The following VWA5B1 variants were observed in gnomAD, a reference collection of about 807,000 sequenced individuals.
VWA5B1 encodes the protein von Willebrand factor A domain containing 5B1.
A neutral mutation model predicts 118.2 loss-of-function variants in VWA5B1; 115 were observed. That is an observed-to-expected ratio of 0.97 (90% CI 0.84 to 1.14). The LOEUF (loss-of-function observed/expected upper bound fraction) is 1.14. Ranked by LOEUF, VWA5B1 falls within the 50% of genes most tolerant of loss-of-function variation. The probability of loss-of-function intolerance (pLI) is 0.00; values close to 1 mark genes in which losing one functional copy is unlikely to be tolerated. For synonymous variants in VWA5B1, 682 were observed against 658.4 expected, an observed-to-expected ratio of 1.04 and a Z score of -0.55; for missense variants, 1,596 against 1,603.8, an observed-to-expected ratio of 1.00 and a Z score of 0.08.
At position 20,355,376 on chromosome 1, in the gene VWA5B1, T is replaced by C. The variant is rs1182214142; in HGVS notation, c.*1113T>C. Among the ~76,000 whole-genome samples the C allele has an allele frequency of 2.6e-5, 4 of 152,208 alleles. No homozygotes were observed. The highest frequency in any genetic ancestry group is 5.9e-5 in the Non-Finnish European group (4 of 68,026). ...CACTGTGTGATGCCTACATGGGGAA[T>C]GGCGTGCTGTGGCCGCAGATACCCT... On this transcript the variant is annotated 3_prime_UTR_variant, in exon 22 of 22. Transcript: ENST00000289815.
At chr1:20,327,104 C>T (rs2089409882) in intron 8 of VWA5B1, among the ~76,000 whole-genome samples, 2 of 151,944 alleles carry the variant, frequency 1.3e-5, no homozygotes, top group African/African-American at 4.8e-5. Context: ...TTCAGTCTAC[C>T]TTTATCAAGG....
At position 20,354,326 on chromosome 1, in the gene VWA5B1, T is replaced by C. The variant is rs2090191890; in HGVS notation, c.*63T>C. ...GAGGAGAGGGATGGGCAGGGCCATGTCGGCCTGGTTTCGGGGAGCTTTTGG... is the reference window on the plus strand; with the variant it reads ...GAGGAGAGGGATGGGCAGGGCCATGCCGGCCTGGTTTCGGGGAGCTTTTGG... On this transcript the variant is annotated 3_prime_UTR_variant, in exon 22 of 22. Transcript: ENST00000289815. 1 of 1,477,944 alleles carries C rather than the reference T, an allele frequency of 6.8e-7. No individual in the cohort carries two copies. Among genetic ancestry groups the C allele is most frequent in the Non-Finnish European group, 9.0e-7 (1 of 1,108,170 alleles). 91.6% of individuals were successfully genotyped at this position (1,477,944 alleles called of 1,614,324 possible). A position where few individuals can be genotyped will look rare whatever the true frequency, so the allele number is the denominator to read the frequency against.
chr1:20,319,392 G>T lies in VWA5B1; in HGVS notation c.852G>T (p.Met284Ile). ...ATCTCATCTCTGCAGAGCCCCATAT[G>T]CCCCATGTCCTGATAGAGAAAGGGG... ...EILIHPSEPH[M>I]PHVLIEKGDM... Residue 284 changes from methionine to isoleucine, a missense_variant, in exon 7 of 22, where the codon ATG becomes ATT. Transcript: ENST00000289815. The T allele has an allele frequency of 6.4e-7, 1 of 1,551,742 alleles. No individual in the cohort carries two copies. The highest frequency in any genetic ancestry group is 2.4e-5 in the East Asian group (1 of 40,920).
chr1:20,319,334 C>T, intron 6 of VWA5B1, 48 bp from the exon 7 acceptor site: 1 of 1,545,172 alleles, frequency 6.5e-7, no homozygotes, highest in Non-Finnish European at 8.8e-7. Context: ...CAGCATCCTT[C>T]TCCTACGATA....
At chr1:20,334,620 G>A (rs2089663145) in intron 12 of VWA5B1, among the ~76,000 whole-genome samples, 1 of 152,070 alleles carries the variant, frequency 6.6e-6, no homozygotes, top group African/African-American at 2.4e-5. Context: ...AGACCAGCCT[G>A]GCCAACATGG....
intron 7 of VWA5B1, 52 bp downstream of exon 7, chr1:20,319,558 G>A: frequency 6.5e-7 from 1 of 1,547,042 alleles, no homozygotes; most frequent in Middle Eastern, 1.9e-4. Flanking sequence ...GGGTGGCGCT[G>A]AGGCCTGGTC....
chr1:20,330,846 C>A (rs1212437462), intron 10 of VWA5B1, 23 bp from the exon 11 acceptor site: 1 of 1,544,368 alleles, frequency 6.5e-7, no homozygotes, highest in African/African-American at 1.4e-5. Context: ...GACATAGCAG[C>A]CTCTCTTCTC....
chr1:20,348,401 G>A (rs76090999), intron 18 of VWA5B1, 43 bp downstream of exon 18: 15 of 1,543,586 alleles, frequency 9.7e-6, no homozygotes, highest in South Asian at 6.0e-5. Context: ...GGGCACTTTC[G>A]GAAGCCTGGG....
intron 1 of VWA5B1, among the ~76,000 whole-genome samples, chr1:20,297,525 G>T (rs1370240945): frequency 6.6e-6 from 1 of 152,246 alleles, no homozygotes. Context: ...GAAGGCAGAA[G>T]ATCTGTACAA....
chr1:20,338,345 G>GTTTA (rs1041505672), intron 14 of VWA5B1: 12 of 312,788 alleles, frequency 3.8e-5, no homozygotes, highest in Non-Finnish European at 5.6e-5. Flanking sequence ...AGGATTTTTT[G>GTTTA]TTTATTTGTT....
intron 1 of VWA5B1, among the ~76,000 whole-genome samples, chr1:20,293,629 G>A (rs2088353084): frequency 6.6e-6 from 1 of 152,244 alleles, no homozygotes; most frequent in Non-Finnish European, 1.5e-5. Context: ...GCAAGGCCAA[G>A]AAGAGGGTCA....
chr1:20,348,176 C>T (rs1259505006), intron 17 of VWA5B1, 69 bp from the exon 18 acceptor site: 5 of 1,381,920 alleles, frequency 3.6e-6, no homozygotes, highest in Non-Finnish European at 5.0e-6. Context: ...TTCCTGTCAG[C>T]TCTGGGGGAA....
chr1:20,326,776 T>C (rs1047135796), intron 8 of VWA5B1, among the ~76,000 whole-genome samples: 1 of 152,092 alleles, frequency 6.6e-6, no homozygotes, highest in Non-Finnish European at 1.5e-5. Context: ...GCCTCTGTCA[T>C]TAGTCTTAGG....
chr1:20,318,388 C>A, intron 5 of VWA5B1: 1 of 708,156 alleles, frequency 1.4e-6, no homozygotes, highest in Non-Finnish European at 2.4e-6. Context: ...CAGGAAGAGT[C>A]ATCAGACACC....
In VWA5B1 at chr1:20,319,478, T is replaced by TGAA; in HGVS notation, c.947_949dup (p.Lys316dup). 1 of 1,551,684 alleles carries TGAA rather than the reference T, an allele frequency of 6.4e-7. No individual in the cohort carries two copies. The highest frequency in any genetic ancestry group is 1.4e-5 in the African/African-American group (1 of 73,124). On this transcript the variant is annotated inframe_insertion, in exon 7 of 22. Transcript: ENST00000289815. ...GGAAGAACAGATTTCATTAAAGGGA[T>TGAA]GAAGAAGAAGAGCAGAGCAGAGCGG... is the stretch of plus-strand genomic sequence containing the variant.
At chr1:20,322,813 G>A (rs2089261544) in intron 7 of VWA5B1, among the ~76,000 whole-genome samples, 2 of 152,182 alleles carry the variant, frequency 1.3e-5, no homozygotes, top group Admixed American at 6.5e-5. Flanking sequence ...AGGAAACTAA[G>A]TAATTAAGTC....
At chr1:20,318,798 G>C (rs1037268681) in intron 6 of VWA5B1, 77 bp downstream of exon 6, 1 of 1,414,528 alleles carries the variant, frequency 7.1e-7, no homozygotes, top group African/African-American at 1.5e-5. Flanking sequence ...CAGAACATGT[G>C]GCCCCCCGCC....
intron 2 of VWA5B1, 29 bp from the exon 3 acceptor site, chr1:20,312,807 C>T (rs756964542): frequency 6.5e-7 from 1 of 1,532,226 alleles, no homozygotes; most frequent in South Asian, 1.2e-5. Context: ...GCCTGGGGCA[C>T]CCCGTGATGC....
chr1:20,332,533 A>G (rs2089596113), intron 11 of VWA5B1, among the ~76,000 whole-genome samples: 1 of 151,234 alleles, frequency 6.6e-6, no homozygotes, highest in African/African-American at 2.4e-5. Flanking sequence ...ATAAAATAAA[A>G]TAAAATAAAA....
Sources: allele counts gnomAD v4.1 joint callset (sites outside exome capture counted in the v4.1 genomes callset), GRCh38; gene constraint gnomAD v4.1.1; transcripts MANE v1.5; gene names NCBI Gene and HGNC (gene_info 2026-07-23, HGNC 2026-07-21).